The following C4orf51 variants were observed in gnomAD, a reference collection of about 807,000 sequenced individuals.
C4orf51 encodes chromosome 4 open reading frame 51.
Under a neutral mutation model 25.2 loss-of-function variants are expected in C4orf51, and 25 were observed. The observed-to-expected ratio is 0.99, with a 90% CI of 0.72 to 1.39. The LOEUF (loss-of-function observed/expected upper bound fraction) is 1.39. C4orf51 is among the 40% of genes most tolerant of loss of function. The probability of loss-of-function intolerance (pLI) is 0.00; values close to 1 mark genes in which losing one functional copy is unlikely to be tolerated. For synonymous variants in C4orf51, 100 were observed against 84.5 expected (o/e 1.18, Z -1.01); for missense variants, 252 against 239.6 (o/e 1.05, Z -0.34).
intron 1 of C4orf51, among the ~76,000 whole-genome samples, chr4:145,749,726 C>T (rs889508552): frequency 9.9e-5 from 15 of 152,052 alleles, no homozygotes; most frequent in South Asian, 2.1e-4. Context: ...CTCCAACTCC[C>T]GGGTTCACAC....
At chr4:145,692,279 T>C (rs190397770) in intron 1 of C4orf51, among the ~76,000 whole-genome samples, 128 of 152,340 alleles carry the variant, frequency 8.4e-4, no homozygotes, top group African/African-American at 2.7e-3. Context: ...CTCAGTAATC[T>C]CACAAACATA....
At chr4:145,680,564 A>G in intron 1 of C4orf51, 128 bp downstream of exon 1, 1 of 672,894 alleles carries the variant, frequency 1.5e-6, no homozygotes, top group East Asian at 2.8e-5. Context: ...TTCTTTTGTA[A>G]ATGTCAGCAG....
chr4:145,731,689 C>T (rs1445747003), intron 5 of C4orf51, among the ~76,000 whole-genome samples: 1 of 147,402 alleles, frequency 6.8e-6, no homozygotes, highest in Non-Finnish European at 1.5e-5. Flanking sequence ...TCAAGCAATT[C>T]TCCTGCCTCA....
chr4:145,785,127 C>G, the C4orf51 span, among the ~76,000 whole-genome samples: 3,560 of 152,194 alleles, frequency 0.023, 394 homozygotes, highest in East Asian at 0.35. Context: ...TACAGTATGG[C>G]TAGAAAAGTA....
chr4:145,735,906 A>G (rs1360388295), downstream of C4orf51, among the ~76,000 whole-genome samples: 1 of 152,208 alleles, frequency 6.6e-6, no homozygotes, highest in African/African-American at 2.4e-5. Flanking sequence ...GAATGGGCTC[A>G]TTCAATTTTA....
At chr4:145,742,529 C>CTTTTTTTT (rs1733152199) in intron 1 of C4orf51, among the ~76,000 whole-genome samples, 1 of 98,894 alleles carries the variant, frequency 1.0e-5, no homozygotes, top group African/African-American at 3.8e-5. Flanking sequence ...TTTTCTTTTT[C>CTTTTTTTT]TTGTTTTTTT....
Position 145,729,297 on chromosome 4 carries a change from ATTTTTTTTTT to A in C4orf51, c.427+83_427+92del, listed in dbSNP as rs547075220. On this transcript the variant is annotated intron_variant, in intron 4 of 5. Transcript: ENST00000438731. ...CCTTTATTTTAATCGTGGTCATGTG[ATTTTTTTTTT>A]TTTTTTTTTTTTTTGAGATGGAGTC... is the stretch of plus-strand genomic sequence containing the variant. 2.4e-4 allele frequency: 71 copies of A among 292,898 alleles called. No homozygotes were observed. The Admixed American group carries it at 5.1e-3, about 21-fold the overall frequency. 18.1% of individuals were successfully genotyped at this position (292,898 alleles called of 1,614,324 possible). A position where few individuals can be genotyped will look rare whatever the true frequency, so the allele number is the denominator to read the frequency against.
chr4:145,733,782 T>G (rs977112049), downstream of C4orf51, among the ~76,000 whole-genome samples: 6 of 152,286 alleles, frequency 3.9e-5, no homozygotes, highest in South Asian at 1.2e-3. Flanking sequence ...TCCAAAAGCA[T>G]GCATTGAAAA....
At chr4:145,711,372 C>A (rs1181738296) in intron 2 of C4orf51, among the ~76,000 whole-genome samples, 2 of 152,210 alleles carry the variant, frequency 1.3e-5, no homozygotes, top group Non-Finnish European at 1.5e-5. Context: ...GCTCGCCTAA[C>A]AATGGAAAAG....
downstream of C4orf51, among the ~76,000 whole-genome samples, chr4:145,774,207 A>C (rs1293144341): frequency 1.3e-5 from 2 of 152,162 alleles, no homozygotes; most frequent in Non-Finnish European, 2.9e-5. Flanking sequence ...GGGGCATTGA[A>C]AGACTGTCAC....
intron 1 of C4orf51, chr4:145,760,838 A>G (rs566615983): frequency 1.7e-6 from 2 of 1,202,204 alleles, no homozygotes; most frequent in Admixed American, 6.7e-5. Context: ...TGTTTGGGTG[A>G]GGGGATGCTG....
Position 145,763,130 on chromosome 4 carries a change from A to G in C4orf51, n.167-7858A>G, listed in dbSNP as rs1734784241. On this transcript the variant is annotated intron_variant and non_coding_transcript_variant, in intron 1 of 1. Transcript: ENST00000510096. The surrounding 1 kb of genome is among the most constrained non-coding windows in gnomAD (Gnocchi z 4.6). The stretch of plus-strand genomic sequence containing the variant: ...ACTCACCACTGTCCTGAGCTACGGC[A>G]AAAGAAAAATAATAGTATAATCTTA... The G allele has an allele frequency of 2.0e-6, 3 of 1,536,014 alleles. No individual in the cohort carries two copies. In the African/African-American group the frequency reaches 4.1e-5, roughly 21 times the overall value.
At chr4:145,693,666 A>G (rs866992240) in intron 1 of C4orf51, among the ~76,000 whole-genome samples, 1 of 29,384 alleles carries the variant, frequency 3.4e-5, no homozygotes, top group African/African-American at 1.9e-4. Context: ...AGGGGGGCTG[A>G]CCCCCCCCAC....
intron 1 of C4orf51, among the ~76,000 whole-genome samples, chr4:145,745,568 G>A (rs888852403): frequency 6.6e-6 from 1 of 152,032 alleles, no homozygotes; most frequent in African/African-American, 2.4e-5. Context: ...CTTCTTTATA[G>A]CTGAATAGTA....
the C4orf51 span, among the ~76,000 whole-genome samples, chr4:145,789,176 T>G: frequency 6.6e-6 from 1 of 152,186 alleles, no homozygotes; most frequent in African/African-American, 2.4e-5. Flanking sequence ...AATTAAATGG[T>G]GGGTCCTCGA....
intron 2 of C4orf51, among the ~76,000 whole-genome samples, chr4:145,720,470 C>A (rs1313856166): frequency 1.3e-5 from 2 of 152,204 alleles, no homozygotes; most frequent in East Asian, 3.9e-4. Context: ...GATTAAGACT[C>A]TCCTTCTGTG....
intron 2 of C4orf51, among the ~76,000 whole-genome samples, chr4:145,725,855 A>G (rs1732025331): frequency 6.6e-6 from 1 of 152,214 alleles, no homozygotes; most frequent in African/African-American, 2.4e-5. Flanking sequence ...GATTATGGTG[A>G]TGATTGCATA....
At chr4:145,749,493 A>G (rs1405310110) in intron 1 of C4orf51, among the ~76,000 whole-genome samples, 1 of 149,030 alleles carries the variant, frequency 6.7e-6, no homozygotes, top group Admixed American at 6.6e-5. Flanking sequence ...TTTTTTTTTC[A>G]TTCCTGTCTT....
chr4:145,705,037 G>GGGTGGGCTGTCTGCACTTGC (rs1431546331), intron 2 of C4orf51, among the ~76,000 whole-genome samples: 4 of 152,226 alleles, frequency 2.6e-5, no homozygotes, highest in African/African-American at 9.6e-5. Flanking sequence ...TTCTTCCCTT[G>GGGTGGGCTGTCTGCACTTGC]GGTGGGCTGT....
Sources: allele counts gnomAD v4.1 joint callset (sites outside exome capture counted in the v4.1 genomes callset), GRCh38; gene constraint gnomAD v4.1.1; non-coding constraint Gnocchi (gnomAD v3.1); transcripts MANE v1.5; gene names NCBI Gene and HGNC (gene_info 2026-07-23, HGNC 2026-07-21).